The following PHTF2 variants were observed in gnomAD, a reference collection of about 807,000 sequenced individuals.
PHTF2 encodes putative homeodomain transcription factor 2, also known as protein PHTF2.
A neutral mutation model predicts 101.2 loss-of-function variants in PHTF2; 60 were observed. The ratio of observed to expected loss-of-function variants is 0.59; its 90% CI spans 0.48 to 0.73. PHTF2 has a LOEUF of 0.73. Ranked by LOEUF, PHTF2 falls within the 30% of genes least tolerant of loss-of-function variation. PHTF2 has a pLI of 0.00. For synonymous variants in PHTF2, 311 were observed against 307.3 expected, an observed-to-expected ratio of 1.01 and a Z score of -0.13; for missense variants, 747 against 908.7, an observed-to-expected ratio of 0.82 and a Z score of 2.29.
At chr7:77,856,357 T>A (rs1359776410) in intron 3 of PHTF2, among the ~76,000 whole-genome samples, 1 of 142,152 alleles carries the variant, frequency 7.0e-6, no homozygotes, top group Non-Finnish European at 1.5e-5. Flanking sequence ...TTTTACTTAT[T>A]TATTTATTTA....
At chr7:77,806,891 C>A (rs1793036210) in intron 1 of PHTF2, among the ~76,000 whole-genome samples, 1 of 152,020 alleles carries the variant, frequency 6.6e-6, no homozygotes, top group African/African-American at 2.4e-5. Flanking sequence ...TTTATGAGAA[C>A]CTTTTAACAG....
chr7:77,942,631 A>G lies in PHTF2; in HGVS notation c.1873-69A>G, dbSNP rs191211202. ...GTCAACACCTTTATTGAAACCATGG[A>G]AATTATCTGCTGATTAGTAAATATA... On this transcript the variant is annotated intron_variant, in intron 15 of 19. Transcript: ENST00000416283. The G allele has an allele frequency of 5.2e-3, 4,407 of 842,086 alleles. 22 individuals are homozygous for G. The highest frequency in any genetic ancestry group is 4.9e-3 in the Non-Finnish European group (2,602 of 530,952). 52.2% of individuals were successfully genotyped at this position (842,086 alleles called of 1,614,324 possible).
chr7:77,859,003 G>T (rs1416924834), intron 3 of PHTF2, among the ~76,000 whole-genome samples: 1 of 152,136 alleles, frequency 6.6e-6, no homozygotes, highest in Non-Finnish European at 1.5e-5. Flanking sequence ...GAGAGACTGT[G>T]AGGGAAAAAC....
chr7:77,822,176 T>C (rs1249162522), intron 1 of PHTF2, among the ~76,000 whole-genome samples: 2 of 152,296 alleles, frequency 1.3e-5, no homozygotes, highest in Non-Finnish European at 2.9e-5. Context: ...ACTGGAAGTG[T>C]GGCAGTGGCA....
upstream of PHTF2, chr7:77,798,781 T>G (rs544474884): frequency 6.6e-6 from 1 of 152,230 alleles, no homozygotes; most frequent in Non-Finnish European, 1.5e-5. Context: ...CCATCCTCCC[T>G]GCCCGCGCGC....
At chr7:77,907,385 A>G (rs1227379556) in intron 7 of PHTF2, among the ~76,000 whole-genome samples, 1 of 152,184 alleles carries the variant, frequency 6.6e-6, no homozygotes, top group Admixed American at 6.5e-5. Flanking sequence ...TTGGACCAGG[A>G]TTCTTTGAGT....
chr7:77,953,682 G>C, intron 18 of PHTF2, 87 bp from the exon 18 acceptor site: 1 of 1,182,210 alleles, frequency 8.5e-7, no homozygotes. Flanking sequence ...TTTTGAAAGT[G>C]TTTTTTAATT....
At position 77,901,116 on chromosome 7, in the gene PHTF2, A is replaced by T. The variant is rs182150290; in HGVS notation, c.286+336A>T. 7.2e-5 allele frequency among the ~76,000 whole-genome samples: 11 copies of T among 152,308 alleles called. No homozygotes were observed. The East Asian group carries it at 2.1e-3, about 29-fold the overall frequency. ...CACCAGATCTCCTGAGAACTCACTC[A>T]CTATCTCAAGGACAGCCTCAAGCCA... On this transcript the variant is annotated intron_variant, in intron 6 of 19. Transcript: ENST00000416283.
At chr7:77,843,204 A>G (rs1261029877) in intron 2 of PHTF2, among the ~76,000 whole-genome samples, 1 of 152,106 alleles carries the variant, frequency 6.6e-6, no homozygotes, top group Admixed American at 6.6e-5. Flanking sequence ...TAAAATCAGT[A>G]TTTGGTGCTT....
chr7:77,881,435 C>T (rs1187145425), intron 3 of PHTF2, among the ~76,000 whole-genome samples: 1 of 152,110 alleles, frequency 6.6e-6, no homozygotes. Context: ...GTTTATGCTG[C>T]TGAGGTCCAG....
intron 18 of PHTF2, among the ~76,000 whole-genome samples, chr7:77,952,402 G>A (rs1806628327): frequency 6.6e-6 from 1 of 152,160 alleles, no homozygotes; most frequent in African/African-American, 2.4e-5. Flanking sequence ...TAAACAGTGT[G>A]AATTGGGTAT....
intron 7 of PHTF2, among the ~76,000 whole-genome samples, chr7:77,903,561 C>T (rs192099273): frequency 1.3e-5 from 2 of 152,294 alleles, no homozygotes; most frequent in African/African-American, 2.4e-5. Context: ...TTACTGGTTC[C>T]TCTAAGTTAA....
chr7:77,953,748 CT>C lies in PHTF2; in HGVS notation c.2212-13del. 8.8e-6 allele frequency: 14 copies of C among 1,598,780 alleles called. No individual in the cohort carries two copies. The highest frequency in any genetic ancestry group is 2.3e-5 in the South Asian group (2 of 87,904). On this transcript the variant is annotated intron_variant, in intron 18 of 19. Transcript: ENST00000416283. Reference sequence around the variant, plus strand: ...TAATTCTTTTTGAATCTGGGACTGACTTTTTTTTCTCTTCTGCTAGGAGTTG... The same window carrying C: ...TAATTCTTTTTGAATCTGGGACTGACTTTTTTTCTCTTCTGCTAGGAGTTG...
Position 77,816,267 on chromosome 7 carries a change from G to T in PHTF2, c.-36+17296G>T, listed in dbSNP as rs537779774. On this transcript the variant is annotated intron_variant, in intron 1 of 19. Transcript: ENST00000416283. ...TTTTTGTATTTTTAGTAGAGATGGGGTTTCACCATGTTGGCCAGGCTGGTC... is the reference window on the plus strand; with the variant it reads ...TTTTTGTATTTTTAGTAGAGATGGGTTTTCACCATGTTGGCCAGGCTGGTC... Among the ~76,000 whole-genome samples the T allele has an allele frequency of 3.9e-4, 59 of 152,104 alleles. No individual in the cohort carries two copies. In the Middle Eastern group the frequency reaches 0.01, roughly 26 times the overall value.
chr7:77,862,045 G>A (rs1395179011), intron 3 of PHTF2, among the ~76,000 whole-genome samples: 9 of 131,370 alleles, frequency 6.9e-5, no homozygotes, highest in Admixed American at 1.6e-4. Flanking sequence ...CAACAAGAGC[G>A]AAACTCCATC....
chr7:77,808,843 C>T (rs956840509), intron 1 of PHTF2, among the ~76,000 whole-genome samples: 4 of 152,124 alleles, frequency 2.6e-5, no homozygotes, highest in Non-Finnish European at 4.4e-5. Context: ...TGTTTCCACT[C>T]TTTCGGGGAT....
At chr7:77,930,553 G>GA (rs1183620439) in intron 12 of PHTF2, among the ~76,000 whole-genome samples, 3 of 150,956 alleles carry the variant, frequency 2.0e-5, no homozygotes, top group Non-Finnish European at 2.9e-5. Flanking sequence ...GAAAACTCGA[G>GA]AAAAAAAAGA....
At chr7:77,889,577 CTTTTTTTTTTTTTTTCCTTTTTT>C (rs1265733903) in intron 3 of PHTF2, among the ~76,000 whole-genome samples, 1 of 117,922 alleles carries the variant, frequency 8.5e-6, no homozygotes, top group Non-Finnish European at 1.8e-5. Flanking sequence ...GTAGTATTTT[CTTTTTTTTTTTTTTTCCTTTTTT>C]TTTTTTTTTG....
At chr7:77,827,819 T>G (rs1794801831) in intron 1 of PHTF2, among the ~76,000 whole-genome samples, 1 of 152,006 alleles carries the variant, frequency 6.6e-6, no homozygotes, top group Non-Finnish European at 1.5e-5. Context: ...TTTGTATTAG[T>G]TTTTAGTAGA....
Sources: allele counts gnomAD v4.1 joint callset (sites outside exome capture counted in the v4.1 genomes callset), GRCh38; gene constraint gnomAD v4.1.1; transcripts MANE v1.5; gene names NCBI Gene and HGNC (gene_info 2026-07-23, HGNC 2026-07-21).